The following ARHGAP28 variants were observed in gnomAD, a reference collection of about 807,000 sequenced individuals.
ARHGAP28 encodes Rho GTPase activating protein 28.
A neutral mutation model predicts 90.7 loss-of-function variants in ARHGAP28; 56 were observed. That is an observed-to-expected ratio of 0.62 (90% CI 0.50 to 0.77). The LOEUF is 0.77. ARHGAP28 is among the 30% of genes least tolerant of loss of function. The pLI, the probability that ARHGAP28 is intolerant of heterozygous loss-of-function variation, is 0.00. For missense variants in ARHGAP28, 869 were observed against 900.9 expected (o/e 0.96, Z 0.45); for synonymous variants, 308 against 323.3 (o/e 0.95, Z 0.51).
chr18:6,753,244 A>G (rs1202929424), intron 1 of ARHGAP28, among the ~76,000 whole-genome samples: 1 of 152,240 alleles, frequency 6.6e-6, no homozygotes, highest in Non-Finnish European at 1.5e-5. Flanking sequence ...TCAGGACAAT[A>G]TTGTAATTGC....
intron 2 of ARHGAP28, among the ~76,000 whole-genome samples, chr18:6,829,733 G>T (rs1346693754): frequency 1.3e-5 from 2 of 152,112 alleles, no homozygotes; most frequent in Admixed American, 1.3e-4. Flanking sequence ...AATTATTTTG[G>T]GGTTCGGCTT....
At chr18:6,831,273 G>T (rs2056712928) in intron 2 of ARHGAP28, among the ~76,000 whole-genome samples, 1 of 151,876 alleles carries the variant, frequency 6.6e-6, no homozygotes, top group South Asian at 2.1e-4. Context: ...TTTTATTACT[G>T]ACTTTTTATT....
intron 1 of ARHGAP28, among the ~76,000 whole-genome samples, chr18:6,736,123 AC>A (rs1467995956): frequency 1.3e-5 from 2 of 152,164 alleles, no homozygotes; most frequent in African/African-American, 4.8e-5. Context: ...TCTTGTCACT[AC>A]AATTCACTAA....
Position 6,813,823 on chromosome 18 carries a change from G to C in ARHGAP28, c.123-10939G>C, listed in dbSNP as rs574024691. Among the ~76,000 whole-genome samples the C allele has an allele frequency of 2.0e-5, 3 of 152,024 alleles. No individual in the cohort carries two copies. In the East Asian group the frequency reaches 5.8e-4, roughly 29 times the overall value. On this transcript the variant is annotated intron_variant, in intron 1 of 17. Transcript: ENST00000383472. ...ACTGCCCCTCTGAGATTCATTTTTC[G>C]TATCTATAAAATGTGGTGATTTATT...
intron 1 of ARHGAP28, among the ~76,000 whole-genome samples, chr18:6,751,693 A>T (rs1373977951): frequency 3.9e-5 from 6 of 152,230 alleles, no homozygotes; most frequent in African/African-American, 1.4e-4. Flanking sequence ...GGGGGTGTCC[A>T]CCCCTAGAGT....
intron 16 of ARHGAP28, among the ~76,000 whole-genome samples, chr18:6,902,300 T>C (rs1402796997): frequency 6.6e-6 from 1 of 152,204 alleles, no homozygotes; most frequent in Non-Finnish European, 1.5e-5. Flanking sequence ...TGTACTATAT[T>C]AATATTAGAT....
intron 6 of ARHGAP28, 86 bp from the exon 7 acceptor site, chr18:6,870,504 A>G: frequency 7.4e-7 from 1 of 1,355,442 alleles, no homozygotes; most frequent in Non-Finnish European, 1.0e-6. Flanking sequence ...ATTCACTTGT[A>G]AATATTTTGA....
chr18:6,891,085 A>C (rs1395092492), intron 14 of ARHGAP28, among the ~76,000 whole-genome samples: 9 of 152,254 alleles, frequency 5.9e-5, no homozygotes, highest in Non-Finnish European at 1.3e-4. Context: ...GAGGATGATC[A>C]CAAGTGCCAG....
Position 6,890,495 on chromosome 18 carries a change from G to C in ARHGAP28, c.1800G>C (p.Gln600His), listed in dbSNP as rs371923268. 24 of 1,613,482 alleles carry C rather than the reference G, an allele frequency of 1.5e-5. No homozygotes were observed. In the African/African-American group the frequency reaches 3.2e-4, roughly 22 times the overall value. The change falls in exon 14 of 18, where the codon CAG becomes CAC. Residue 600 changes from glutamine (Q) to histidine (H), a missense_variant. Coordinates refer to ENST00000383472, the MANE Select transcript of ARHGAP28 (RefSeq NM_001366230.1). ...AAGCCACGATGCTATTGAAGAAGCA[G>C]CTCCCAAGTGTCAGGAAGCTGCTCA... Reference protein sequence around the residue: ...MNEATMLLKKQLPSVRKLLRR... With the variant: ...MNEATMLLKKHLPSVRKLLRR...
chr18:6,765,158 A>G (rs1213873964), intron 1 of ARHGAP28, among the ~76,000 whole-genome samples: 1 of 152,214 alleles, frequency 6.6e-6, no homozygotes, highest in Non-Finnish European at 1.5e-5. Context: ...TGGTATCATT[A>G]TAATCCTGGC....
intron 1 of ARHGAP28, among the ~76,000 whole-genome samples, chr18:6,824,549 T>A (rs1015827406): frequency 1.1e-4 from 17 of 151,944 alleles, no homozygotes; most frequent in Middle Eastern, 3.2e-3. Flanking sequence ...AAAATCATTT[T>A]AAAAAATTAA....
chr18:6,742,574 A>G (rs997583232), intron 1 of ARHGAP28, among the ~76,000 whole-genome samples: 10 of 152,148 alleles, frequency 6.6e-5, no homozygotes, highest in Non-Finnish European at 2.9e-5. Flanking sequence ...GTGAAATTTC[A>G]ACCTTTAGGT....
chr18:6,890,153 G>T, intron 13 of ARHGAP28, 68 bp downstream of exon 13: 1 of 1,555,644 alleles, frequency 6.4e-7, no homozygotes, highest in Non-Finnish European at 8.9e-7. Context: ...AAGCCTCCAT[G>T]ATTGGGCAAC....
rs1170117420 is a variant in ARHGAP28 at position 6,870,614 on chromosome 18, T to C, written c.836T>C (p.Ile279Thr). ...GATGATGATTTTCTGGAAAAGAACA[T>C]TCCACCAGAGGCTGAAGAGCTGTCA... The part of the protein sequence containing the change: ...ISDDDFLEKN[I>T]PPEAEELSFE... Residue 279 changes from isoleucine (I) to threonine (T), a missense_variant, in exon 7 of 18, where the codon ATT (isoleucine) becomes ACT (threonine). Ile to Thr is a moderately conservative substitution (Grantham distance 89). Transcript: ENST00000383472. The C allele has an allele frequency of 6.2e-7, 1 of 1,612,172 alleles. No individual in the cohort carries two copies. The highest frequency in any genetic ancestry group is 8.5e-7 in the Non-Finnish European group (1 of 1,179,068).
At chr18:6,890,985 CAG>C (rs893536722) in intron 14 of ARHGAP28, among the ~76,000 whole-genome samples, 2 of 152,148 alleles carry the variant, frequency 1.3e-5, no homozygotes, top group African/African-American at 4.8e-5. Context: ...CCAAGGAATT[CAG>C]AGTTTTGTTT....
intron 16 of ARHGAP28, among the ~76,000 whole-genome samples, chr18:6,899,111 A>G (rs563400743): frequency 1.6e-3 from 244 of 152,254 alleles, no homozygotes; most frequent in African/African-American, 5.5e-3. Flanking sequence ...ACTATGGCCT[A>G]TTTCAGTTTA....
chr18:6,749,627 G>A (rs2056053062), intron 1 of ARHGAP28, among the ~76,000 whole-genome samples: 1 of 152,018 alleles, frequency 6.6e-6, no homozygotes. Flanking sequence ...TGGCATTAGA[G>A]TATAGCATCA....
At chr18:6,730,885 CT>C (rs1435270897) in intron 1 of ARHGAP28, among the ~76,000 whole-genome samples, 4 of 152,162 alleles carry the variant, frequency 2.6e-5, no homozygotes, top group African/African-American at 9.7e-5. Context: ...TTATCTCATA[CT>C]TTTAACTTTA....
chr18:6,813,160 G>T (rs1329466287), intron 1 of ARHGAP28, among the ~76,000 whole-genome samples: 1 of 152,176 alleles, frequency 6.6e-6, no homozygotes, highest in Non-Finnish European at 1.5e-5. Context: ...TGAGTAAAAT[G>T]GAAGTCTTAG....
Sources: gnomAD v4.1 joint callset for allele counts (sites outside exome capture counted in the v4.1 genomes callset) on GRCh38, gnomAD v4.1.1 for gene constraint, MANE v1.5 for transcripts, NCBI Gene and HGNC (gene_info 2026-07-23, HGNC 2026-07-21) for gene names.